The following ZFHX4 variants were observed in gnomAD, a reference collection of about 807,000 sequenced individuals.
ZFHX4 encodes the protein zinc finger homeobox 4, also known as zinc finger homeobox protein 4.
A neutral mutation model predicts 267.6 loss-of-function variants in ZFHX4; 56 were observed. The observed-to-expected ratio is 0.21, with a 90% CI of 0.17 to 0.26. The LOEUF (loss-of-function observed/expected upper bound fraction) is 0.26, where lower values mean the gene tolerates loss of function less well. Among genes scored for constraint, ZFHX4 ranks in the 10% least tolerant of loss-of-function variants. The pLI, the probability that ZFHX4 is intolerant of heterozygous loss-of-function variation, is 1.00. For synonymous variants in ZFHX4, 1,778 were observed against 1,665.6 expected, an observed-to-expected ratio of 1.07 and a Z score of -1.64; for missense variants, 4,332 against 4,420.0, an observed-to-expected ratio of 0.98 and a Z score of 0.56.
intron 3 of ZFHX4, chr8:76,733,484 C>T (rs931007243): frequency 6.6e-5 from 10 of 152,120 alleles, no homozygotes; most frequent in African/African-American, 1.7e-4. Context: ...CAGGATAATA[C>T]CTTTCATTTA....
At chr8:76,754,350 A>G (rs1809707154) in intron 3 of ZFHX4, among the ~76,000 whole-genome samples, 1 of 152,040 alleles carries the variant, frequency 6.6e-6, no homozygotes, top group Non-Finnish European at 1.5e-5. Flanking sequence ...TTAGCCGGGC[A>G]TGGTGGTGCG....
intron 3 of ZFHX4, among the ~76,000 whole-genome samples, chr8:76,726,210 C>G (rs1332220700): frequency 6.6e-6 from 1 of 150,490 alleles, no homozygotes; most frequent in African/African-American, 2.4e-5. Flanking sequence ...TCTTTTTTTT[C>G]AAATAAAATG....
rs191299306 is a variant in ZFHX4 at position 76,797,099 on chromosome 8, A to C, written c.3325+18660A>C. Reference sequence around the variant, plus strand: ...GGAGGCAGGCACCATGAGATCAGCCAGGCCAGCTATTTTGTCGTATATTCA... The same window carrying C: ...GGAGGCAGGCACCATGAGATCAGCCCGGCCAGCTATTTTGTCGTATATTCA... On this transcript the variant is annotated intron_variant, in intron 4 of 10. Transcript: ENST00000651372. Among the ~76,000 whole-genome samples the C allele has an allele frequency of 4.1e-3, 622 of 152,296 alleles. 6 individuals are homozygous for C. The highest frequency in any genetic ancestry group is 0.012 in the African/African-American group (513 of 41,574).
At chr8:76,828,633 G>A (rs1048367058) in intron 4 of ZFHX4, among the ~76,000 whole-genome samples, 1 of 152,114 alleles carries the variant, frequency 6.6e-6, no homozygotes, top group Non-Finnish European at 1.5e-5. Flanking sequence ...TCCTTTTACA[G>A]TTAGTCACAT....
chr8:76,848,994 G>T lies in ZFHX4; in HGVS notation c.3512-1G>T. ...ATTGTTCTATTCTTTTTGGGAATCA[G>T]GGATAATCACACCAGAGAAGGAACT... On this transcript the variant is annotated splice_acceptor_variant, in intron 6 of 10. Coordinates refer to ENST00000651372, the MANE Select transcript of ZFHX4 (RefSeq NM_024721.5). LOFTEE classifies it high-confidence loss of function. The T allele has an allele frequency of 6.6e-7, 1 of 1,523,536 alleles. No individual in the cohort carries two copies. Among genetic ancestry groups the T allele is most frequent in the Non-Finnish European group, 8.8e-7 (1 of 1,138,672 alleles). 94.4% of individuals were successfully genotyped at this position (1,523,536 alleles called of 1,614,324 possible).
chr8:76,692,012 T>C (rs10088978), intron 1 of ZFHX4, among the ~76,000 whole-genome samples: 8,845 of 152,144 alleles, frequency 0.058, 522 homozygotes, highest in East Asian at 0.24. Context: ...GATATTTTCT[T>C]ACTGACAGGT....
Position 76,704,286 on chromosome 8 carries a change from T to A in ZFHX4, c.198T>A (p.Val66=). Residue 66 remains valine, a synonymous_variant, in exon 2 of 11, where the codon GTT becomes GTA. Transcript: ENST00000651372. ...GTGAAGCCTTGCTGGGTTTCAGCGT[T>A]GAGAATGCAGCTGCCACTCAGGTTA... ...RKSEALLGFS[V]ENAAATQVTS... 2 of 1,613,966 alleles carry A rather than the reference T, an allele frequency of 1.2e-6. No individual in the cohort carries two copies. Among genetic ancestry groups the A allele is most frequent in the Non-Finnish European group, 1.7e-6 (2 of 1,179,878 alleles).
intron 4 of ZFHX4, among the ~76,000 whole-genome samples, chr8:76,827,639 G>A (rs975874475): frequency 1.3e-5 from 2 of 152,142 alleles, no homozygotes; most frequent in African/African-American, 4.8e-5. Flanking sequence ...TTAAGAAGAT[G>A]TATAAGTAAT....
intron 4 of ZFHX4, among the ~76,000 whole-genome samples, chr8:76,783,135 A>T (rs1810595760): frequency 6.6e-6 from 1 of 151,990 alleles, no homozygotes; most frequent in South Asian, 2.1e-4. Context: ...ATTTTCAAGG[A>T]TGTACATAAA....
chr8:76,848,244 G>T, intron 6 of ZFHX4, among the ~76,000 whole-genome samples: 1 of 152,254 alleles, frequency 6.6e-6, no homozygotes, highest in Non-Finnish European at 1.5e-5. Flanking sequence ...ATGCTGGAAA[G>T]AATTTTCTGT....
At chr8:76,856,814 A>G (rs1309344038) in intron 10 of ZFHX4, among the ~76,000 whole-genome samples, 1 of 152,148 alleles carries the variant, frequency 6.6e-6, no homozygotes, top group Non-Finnish European at 1.5e-5. Context: ...ATTCACCCAC[A>G]TGGTTCCTAG....
chr8:76,702,396 T>A (rs1808128096), intron 1 of ZFHX4, among the ~76,000 whole-genome samples: 1 of 152,210 alleles, frequency 6.6e-6, no homozygotes, highest in Admixed American at 6.5e-5. Flanking sequence ...AAGATTGGAT[T>A]TGATTACAGT....
chr8:76,715,374 C>T (rs762292940), intron 3 of ZFHX4, among the ~76,000 whole-genome samples: 12 of 147,556 alleles, frequency 8.1e-5, no homozygotes, highest in Non-Finnish European at 1.5e-4. Flanking sequence ...CCCAGCTACT[C>T]GGGAGGCTGA....
At chr8:76,750,271 A>G (rs1809578430) in intron 3 of ZFHX4, among the ~76,000 whole-genome samples, 1 of 152,138 alleles carries the variant, frequency 6.6e-6, no homozygotes, top group Non-Finnish European at 1.5e-5. Flanking sequence ...GACTGTATAT[A>G]AAGATTTACA....
chr8:76,792,100 A>T (rs1277122031), intron 4 of ZFHX4, among the ~76,000 whole-genome samples: 1 of 152,180 alleles, frequency 6.6e-6, no homozygotes, highest in Non-Finnish European at 1.5e-5. Flanking sequence ...GAAGTTACAA[A>T]TACTTCCAAA....
rs1276402538 is a variant in ZFHX4 at position 76,705,776 on chromosome 8, G to A, written c.1688G>A (p.Ser563Asn). The A allele has an allele frequency of 1.2e-6, 2 of 1,614,034 alleles. No homozygotes were observed. Among genetic ancestry groups the A allele is most frequent in the Admixed American group, 3.3e-5 (2 of 60,026 alleles). Residue 563 changes from serine (S) to asparagine (N), a missense_variant, in exon 2 of 11, where the codon AGT becomes AAT. Physicochemically the swap from Ser to Asn is conservative, Grantham distance 46. Transcript: ENST00000651372. ...GISGKDFADASASKDSATAAH... is the reference protein window; with the variant it reads ...GISGKDFADANASKDSATAAH... ...AGTGGCAAGGACTTTGCAGACGCAA[G>A]TGCCAGTAAAGACAGTGCCACAGCT...
intron 4 of ZFHX4, among the ~76,000 whole-genome samples, chr8:76,827,561 G>A (rs1811819436): frequency 6.6e-6 from 1 of 152,020 alleles, no homozygotes. Flanking sequence ...CTTAAATGGA[G>A]AAATACAATA....
chr8:76,707,914 A>G lies in ZFHX4; in HGVS notation c.2959A>G (p.Arg987Gly), dbSNP rs1808322309. The change falls in exon 3 of 11, where the codon AGG (arginine) becomes GGG (glycine). Residue 987 changes from arginine (R) to glycine (G), a missense_variant. Coordinates refer to ENST00000651372, the MANE Select transcript of ZFHX4 (RefSeq NM_024721.5). ...AGAAGGGGGCAAAAGCAATGAGTGG[A>G]GGTTGAAGTGTATTGCCATTGGCAA... Reference protein sequence around the residue: ...IKEGGKSNEWRLKCIAIGNPV... With the variant: ...IKEGGKSNEWGLKCIAIGNPV... 3.1e-6 allele frequency: 5 copies of G among 1,614,086 alleles called. No individual in the cohort carries two copies. The highest frequency in any genetic ancestry group is 4.2e-6 in the Non-Finnish European group (5 of 1,179,936).
At chr8:76,728,368 C>A (rs773798069) in intron 3 of ZFHX4, among the ~76,000 whole-genome samples, 2 of 152,164 alleles carry the variant, frequency 1.3e-5, no homozygotes, top group Non-Finnish European at 2.9e-5. Context: ...CTCCAAACCT[C>A]ATTTTAGCCA....
Sources: gnomAD v4.1 joint callset for allele counts (sites outside exome capture counted in the v4.1 genomes callset) on GRCh38, gnomAD v4.1.1 for gene constraint, MANE v1.5 for transcripts, NCBI Gene and HGNC (gene_info 2026-07-23, HGNC 2026-07-21) for gene names.